Variants in ANKRD12 observed in about 807,000 individuals in gnomAD.
The protein encoded by ANKRD12 is ankyrin repeat domain-containing protein 12.
A neutral mutation model predicts 183.4 loss-of-function variants in ANKRD12; 85 were observed. The observed-to-expected ratio is 0.46, with a 90% confidence interval of 0.39 to 0.56. ANKRD12 has a LOEUF of 0.56. Ranked by LOEUF, ANKRD12 falls within the 20% of genes least tolerant of loss-of-function variation. The probability of loss-of-function intolerance (pLI) is 0.00; values close to 1 mark genes in which losing one functional copy is unlikely to be tolerated. For missense variants in ANKRD12, 2,405 were observed against 2,357.1 expected, an observed-to-expected ratio of 1.02 and a Z score of -0.42; for synonymous variants, 914 against 800.2, an observed-to-expected ratio of 1.14 and a Z score of -2.40.
intron 6 of ANKRD12, among the ~76,000 whole-genome samples, chr18:9,213,663 T>G (rs970653248): frequency 6.6e-6 from 1 of 151,944 alleles, no homozygotes; most frequent in African/African-American, 2.4e-5. Context: ...AGATATTATG[T>G]TGGATTCTTC....
intron 5 of ANKRD12, among the ~76,000 whole-genome samples, chr18:9,210,202 T>C (rs900240528): frequency 6.6e-6 from 1 of 152,158 alleles, no homozygotes; most frequent in African/African-American, 2.4e-5. Flanking sequence ...GATAAGTCTT[T>C]AGATTTTAAG....
chr18:9,163,092 C>T (rs549178584), intron 1 of ANKRD12, among the ~76,000 whole-genome samples: 35 of 151,956 alleles, frequency 2.3e-4, no homozygotes, highest in Non-Finnish European at 3.7e-4. Flanking sequence ...TTGTTTTTGG[C>T]GTTTTCATTG....
chr18:9,221,726 G>C, intron 7 of ANKRD12, 126 bp from the exon 8 acceptor site: 1 of 894,286 alleles, frequency 1.1e-6, no homozygotes, highest in Non-Finnish European at 1.6e-6. Context: ...TAGAGTAGAT[G>C]GTGAGGAATG....
chr18:9,147,007 ATGT>A (rs2078514408), intron 1 of ANKRD12, among the ~76,000 whole-genome samples: 1 of 152,336 alleles, frequency 6.6e-6, no homozygotes, highest in South Asian at 2.1e-4. Flanking sequence ...GGTGGAAATG[ATGT>A]TGTATGTAAG....
At position 9,257,936 on chromosome 18, in the gene ANKRD12, A is replaced by G. The variant is rs146159815; in HGVS notation, c.4669A>G (p.Thr1557Ala). The part of the protein sequence containing the change: ...NTFVLGDVQK[T>A]DAFVPVYSDS... Reference sequence around the variant, plus strand: ...TTTTGTCCTAGGAGATGTTCAAAAAACAGATGCCTTTGTCCCAGTGTACTC... The same window carrying G: ...TTTTGTCCTAGGAGATGTTCAAAAAGCAGATGCCTTTGTCCCAGTGTACTC... The change falls in exon 9 of 13, where the codon ACA becomes GCA. Residue 1557 changes from threonine (T) to alanine (A), a missense_variant. By Grantham distance (58) the Thr-to-Ala change is moderately conservative. Transcript: ENST00000262126. The G allele has an allele frequency of 1.2e-6, 2 of 1,614,020 alleles. No individual in the cohort carries two copies. Among genetic ancestry groups the G allele is most frequent in the South Asian group, 1.1e-5 (1 of 91,078 alleles).
chr18:9,242,146 T>C (rs1237141537), intron 8 of ANKRD12, among the ~76,000 whole-genome samples: 1 of 152,154 alleles, frequency 6.6e-6, no homozygotes, highest in East Asian at 1.9e-4. Context: ...CTTTAAACTT[T>C]AGGGTACACA....
At position 9,256,077 on chromosome 18, in the gene ANKRD12, A is replaced by G; in HGVS notation, c.2810A>G (p.Gln937Arg). The G allele has an allele frequency of 6.4e-7, 1 of 1,564,354 alleles. No individual in the cohort carries two copies. The highest frequency in any genetic ancestry group is 1.4e-5 in the African/African-American group (1 of 72,302). The change falls in exon 9 of 13, where the codon CAA becomes CGA. Residue 937 changes from glutamine to arginine, a missense_variant. This residue lies in a region of ANKRD12 where 1,983 missense variants were observed against 1,725.9 expected (regional missense o/e 1.15). Transcript: ENST00000262126. Reference sequence around the variant, plus strand: ...CACTTGATGGAGAAAAAAAATAAACAATCAGATAATAGTGAATACAGTAAA... The same window carrying G: ...CACTTGATGGAGAAAAAAAATAAACGATCAGATAATAGTGAATACAGTAAA... Reference protein sequence around the residue: ...EKHLMEKKNKQSDNSEYSKSE... With the variant: ...EKHLMEKKNKRSDNSEYSKSE...
intron 10 of ANKRD12, among the ~76,000 whole-genome samples, chr18:9,272,255 C>G (rs545940119): frequency 6.6e-6 from 1 of 152,252 alleles, no homozygotes; most frequent in South Asian, 2.1e-4. Context: ...GGGAGAGAGG[C>G]TCTGACTTTA....
chr18:9,255,572 G>T lies in ANKRD12; in HGVS notation c.2305G>T (p.Asp769Tyr), dbSNP rs753928460. ...EKSFREEKIK[D>Y]LKEERENIPT... is the part of the protein sequence containing the mutation. ...ATCTTTTAGGGAGGAAAAAATAAAA[G>T]ATCTAAAAGAAGAGAGAGAAAACAT... The change falls in exon 9 of 13, where the codon GAT becomes TAT. Residue 769 changes from aspartate (D) to tyrosine (Y), a missense_variant. Asp to Tyr is a radical substitution (Grantham distance 160). Transcript: ENST00000262126. 1.5e-5 allele frequency: 23 copies of T among 1,567,646 alleles called. No individual in the cohort carries two copies. Among genetic ancestry groups the T allele is most frequent in the Non-Finnish European group, 2.0e-5 (23 of 1,167,734 alleles).
At chr18:9,198,888 A>T (rs374789056) in intron 3 of ANKRD12, among the ~76,000 whole-genome samples, 1 of 152,126 alleles carries the variant, frequency 6.6e-6, no homozygotes, top group African/African-American at 2.4e-5. Context: ...AAGAATGTTT[A>T]TCTCAGCTTT....
chr18:9,255,709 T>G lies in ANKRD12; in HGVS notation c.2442T>G (p.His814Gln), dbSNP rs144826804. The part of the protein sequence containing the change: ...KEIDIEKQEK[H>Q]IKESKEKPEK... Reference sequence around the variant, plus strand: ...TAGACATTGAAAAACAAGAAAAGCATATAAAGGAAAGTAAAGAAAAACCTG... The same window carrying G: ...TAGACATTGAAAAACAAGAAAAGCAGATAAAGGAAAGTAAAGAAAAACCTG... Residue 814 changes from histidine to glutamine, a missense_variant, in exon 9 of 13, where the codon CAT (histidine) becomes CAG (glutamine). Physicochemically the swap from His to Gln is conservative, Grantham distance 24 (BLOSUM62 0). Coordinates refer to ENST00000262126, the MANE Select transcript of ANKRD12 (RefSeq NM_015208.5). 189 of 1,597,390 alleles carry G rather than the reference T, an allele frequency of 1.2e-4. No homozygotes were observed. In the African/African-American group the frequency reaches 2.2e-3, roughly 18 times the overall value.
intron 5 of ANKRD12, among the ~76,000 whole-genome samples, chr18:9,209,915 A>G (rs2035693168): frequency 6.6e-6 from 1 of 152,158 alleles, no homozygotes; most frequent in Non-Finnish European, 1.5e-5. Context: ...CCTCCCCTCA[A>G]GAGGTGACCA....
chr18:9,185,363 G>A (rs753401457), intron 2 of ANKRD12, among the ~76,000 whole-genome samples: 1 of 152,186 alleles, frequency 6.6e-6, no homozygotes, highest in East Asian at 1.9e-4. Flanking sequence ...TTGGCAGATC[G>A]AAAAGCTGTT....
At chr18:9,182,875 T>C (rs2033799965) in intron 2 of ANKRD12, among the ~76,000 whole-genome samples, 1 of 152,230 alleles carries the variant, frequency 6.6e-6, no homozygotes, top group Non-Finnish European at 1.5e-5. Flanking sequence ...TCGTTTGGAC[T>C]CCTGCAATTG....
intron 1 of ANKRD12, among the ~76,000 whole-genome samples, chr18:9,158,790 C>CT (rs1401428464): frequency 6.6e-6 from 1 of 152,152 alleles, no homozygotes; most frequent in African/African-American, 2.4e-5. Context: ...TCTGCATAAA[C>CT]TATCTGCAGT....
chr18:9,192,764 T>G (rs1374782362), intron 2 of ANKRD12, among the ~76,000 whole-genome samples: 4 of 151,990 alleles, frequency 2.6e-5, no homozygotes, highest in South Asian at 4.2e-4. Flanking sequence ...TGGAATGCAG[T>G]GGCATGATTA....
chr18:9,251,109 A>G (rs1042708758), intron 8 of ANKRD12, among the ~76,000 whole-genome samples: 1 of 152,214 alleles, frequency 6.6e-6, no homozygotes. Flanking sequence ...GATGTTTTAA[A>G]ATCATCTCAT....
intron 10 of ANKRD12, 77 bp downstream of exon 10, chr18:9,263,965 T>C: frequency 8.9e-7 from 1 of 1,129,456 alleles, no homozygotes; most frequent in Non-Finnish European, 1.2e-6. Context: ...CTATAATTTT[T>C]TATTAGTGGA....
intron 8 of ANKRD12, chr18:9,235,578 A>G (rs1410648214): frequency 4.4e-6 from 2 of 455,662 alleles, no homozygotes; most frequent in Non-Finnish European, 8.8e-6. Flanking sequence ...ATGAAAGAAT[A>G]TACTGTACTC....
Sources: allele counts gnomAD v4.1 joint callset (sites outside exome capture counted in the v4.1 genomes callset), GRCh38; gene constraint gnomAD v4.1.1; regional missense constraint gnomAD v4.1.1; transcripts MANE v1.5; gene names NCBI Gene and HGNC (gene_info 2026-07-23, HGNC 2026-07-21).